The following PPME1 variants were observed in gnomAD, a reference collection of about 807,000 sequenced individuals.
The protein encoded by PPME1 is testicular secretory protein Li 39.
Under a neutral mutation model 56.9 loss-of-function variants are expected in PPME1, and 17 were observed. That is an observed-to-expected ratio of 0.30 (90% CI 0.20 to 0.45). The LOEUF (loss-of-function observed/expected upper bound fraction) is 0.45, where lower values mean the gene tolerates loss of function less well. PPME1 is among the 20% of genes least tolerant of loss of function. PPME1 has a pLI of 1.00. For missense variants in PPME1, 357 were observed against 483.2 expected (o/e 0.74, Z 2.45); for synonymous variants, 122 against 156.2 (o/e 0.78, Z 1.63).
rs138231632 is a variant in PPME1 at position 74,189,118 on chromosome 11, A to G, written c.102-14610A>G. On this transcript the variant is annotated intron_variant, in intron 1 of 13. Coordinates refer to ENST00000328257, the MANE Select transcript of PPME1 (RefSeq NM_016147.3). ...ATAAAAGATAACATTGGCCAGGTGC[A>G]TTGGCTCACACCTGTAATTCCAACA... 1.6e-3 allele frequency among the ~76,000 whole-genome samples: 247 copies of G among 152,346 alleles called. 2 individuals are homozygous for G. Among genetic ancestry groups the G allele is most frequent in the Non-Finnish European group, 1.8e-3 (122 of 68,034 alleles).
At chr11:74,174,580 A>G (rs1591008361) in intron 1 of PPME1, among the ~76,000 whole-genome samples, 2 of 152,058 alleles carry the variant, frequency 1.3e-5, no homozygotes, top group Admixed American at 6.5e-5. Flanking sequence ...CTTGCCTTCA[A>G]TTTCACTAAA....
chr11:74,198,934 A>T (rs1858068680), intron 1 of PPME1: 1 of 152,366 alleles, frequency 6.6e-6, no homozygotes. Context: ...AACCGGAAAA[A>T]GAACATATAT....
intron 3 of PPME1, among the ~76,000 whole-genome samples, chr11:74,220,917 T>G (rs1858783190): frequency 6.6e-6 from 1 of 152,150 alleles, no homozygotes; most frequent in Non-Finnish European, 1.5e-5. Flanking sequence ...GTCTGTGAAT[T>G]TACTTTGCTC....
intron 1 of PPME1, among the ~76,000 whole-genome samples, chr11:74,192,584 GA>G (rs1331650854): frequency 6.6e-6 from 1 of 152,164 alleles, no homozygotes; most frequent in Non-Finnish European, 1.5e-5. Context: ...ATCTCGTGTT[GA>G]AATGTAATCC....
At chr11:74,226,919 G>A (rs554852330) in intron 5 of PPME1, among the ~76,000 whole-genome samples, 1 of 152,280 alleles carries the variant, frequency 6.6e-6, no homozygotes, top group East Asian at 1.9e-4. Flanking sequence ...ACTCCCTTGG[G>A]CTGAGGGAGT....
chr11:74,213,725 A>G (rs1858542962), intron 3 of PPME1, among the ~76,000 whole-genome samples: 1 of 152,240 alleles, frequency 6.6e-6, no homozygotes, highest in South Asian at 2.1e-4. Flanking sequence ...CTTATCCAAC[A>G]CCACCAAAAT....
At chr11:74,175,399 G>T (rs1264511143) in intron 1 of PPME1, among the ~76,000 whole-genome samples, 1 of 152,102 alleles carries the variant, frequency 6.6e-6, no homozygotes, top group Non-Finnish European at 1.5e-5. Context: ...TACTCAGGAG[G>T]CTGAGGCAGG....
chr11:74,248,465 G>C (rs950473762), intron 11 of PPME1: 2 of 152,128 alleles, frequency 1.3e-5, no homozygotes, highest in Non-Finnish European at 2.9e-5. Flanking sequence ...ACAGCAAAAG[G>C]AGCTATATTC....
chr11:74,220,913 G>T (rs1591048789), intron 3 of PPME1, among the ~76,000 whole-genome samples: 2 of 152,244 alleles, frequency 1.3e-5, no homozygotes, highest in East Asian at 3.9e-4. Context: ...GTTAGTCTGT[G>T]AATTTACTTT....
Position 74,224,778 on chromosome 11 carries a change from T to A in PPME1, c.347-427T>A, listed in dbSNP as rs1858892043. Reference sequence around the variant, plus strand: ...ATTGGTGTATAAGAATGCTTGTGATTTTTGTACATTGATTTTGTATCCTGA... The same window carrying A: ...ATTGGTGTATAAGAATGCTTGTGATATTTGTACATTGATTTTGTATCCTGA... On this transcript the variant is annotated intron_variant, in intron 4 of 13. Coordinates refer to ENST00000328257, the MANE Select transcript of PPME1 (RefSeq NM_016147.3). Among the ~76,000 whole-genome samples, 2 of 150,658 alleles carry A rather than the reference T, an allele frequency of 1.3e-5. 1 individual carries two copies. The highest frequency in any genetic ancestry group is 4.2e-4 in the South Asian group (2 of 4,780).
At position 74,222,373 on chromosome 11, in the gene PPME1, A is replaced by C; in HGVS notation, c.346+4A>C. 1 of 1,600,344 alleles carries C rather than the reference A, an allele frequency of 6.2e-7. No homozygotes were observed. The highest frequency in any genetic ancestry group is 8.6e-7 in the Non-Finnish European group (1 of 1,167,556). On this transcript the variant is annotated splice_donor_region_variant and intron_variant, in intron 4 of 13. Transcript: ENST00000328257. Reference sequence around the variant, plus strand: ...GCTTTGGATCTGCGAAGTCATGGTGAGTAAAGTTCTTAATTAGCCATTAAC... The same window carrying C: ...GCTTTGGATCTGCGAAGTCATGGTGCGTAAAGTTCTTAATTAGCCATTAAC...
At chr11:74,187,105 T>G (rs1053221249) in intron 1 of PPME1, among the ~76,000 whole-genome samples, 12 of 152,234 alleles carry the variant, frequency 7.9e-5, no homozygotes, top group African/African-American at 2.9e-4. Context: ...CATTGATTTA[T>G]ATATCGATCA....
intron 7 of PPME1, among the ~76,000 whole-genome samples, chr11:74,232,833 C>T (rs1458599475): frequency 4.0e-5 from 6 of 150,228 alleles, no homozygotes; most frequent in African/African-American, 9.8e-5. Context: ...CTGTGCACCA[C>T]GATGCCCAGC....
chr11:74,172,578 T>A (rs1857291719), intron 1 of PPME1, among the ~76,000 whole-genome samples: 4 of 152,192 alleles, frequency 2.6e-5, no homozygotes, highest in African/African-American at 9.7e-5. Flanking sequence ...TTTGGAATTT[T>A]AGATCGTTAA....
At chr11:74,197,958 C>A (rs994062868) in intron 1 of PPME1, among the ~76,000 whole-genome samples, 6 of 152,126 alleles carry the variant, frequency 3.9e-5, no homozygotes, top group Non-Finnish European at 8.8e-5. Context: ...ACCATATTTT[C>A]TTTGTGTCTT....
intron 1 of PPME1, among the ~76,000 whole-genome samples, chr11:74,187,720 A>G (rs1283942500): frequency 6.6e-6 from 1 of 152,174 alleles, no homozygotes; most frequent in Non-Finnish European, 1.5e-5. Flanking sequence ...GTTCTTCTGA[A>G]ATAATACAAT....
chr11:74,173,518 A>G (rs943014656), intron 1 of PPME1, among the ~76,000 whole-genome samples: 4 of 152,028 alleles, frequency 2.6e-5, no homozygotes, highest in African/African-American at 9.7e-5. Flanking sequence ...TTAGTAATTT[A>G]TCGTTTTTAT....
chr11:74,235,801 A>G, intron 7 of PPME1, 100 bp from the exon 8 acceptor site: 1 of 1,520,592 alleles, frequency 6.6e-7, no homozygotes, highest in Non-Finnish European at 8.9e-7. Context: ...ACTACTTTTT[A>G]TTAGGTCTCA....
At chr11:74,178,230 T>C (rs770120030) in intron 1 of PPME1, among the ~76,000 whole-genome samples, 125 of 152,316 alleles carry the variant, frequency 8.2e-4, no homozygotes, top group Non-Finnish European at 1.5e-3. Flanking sequence ...TCTTTACAAA[T>C]AAAAAGAAGC....
Sources: allele counts gnomAD v4.1 joint callset (sites outside exome capture counted in the v4.1 genomes callset), GRCh38; gene constraint gnomAD v4.1.1; transcripts MANE v1.5; gene names NCBI Gene and HGNC (gene_info 2026-07-23, HGNC 2026-07-21).